BABAM2: variants seen among roughly 807,000 people sequenced by gnomAD.
The protein encoded by BABAM2 is BRISC and BRCA1 A complex member 2.
BABAM2 carries 31 observed loss-of-function variants against 54.7 expected under a neutral mutation model. The ratio of observed to expected loss-of-function variants is 0.57; its 90% CI spans 0.43 to 0.77. The LOEUF is 0.77. Among genes scored for constraint, BABAM2 ranks in the 30% least tolerant of loss-of-function variants. The pLI, the probability that BABAM2 is intolerant of heterozygous loss-of-function variation, is 0.00. For synonymous variants in BABAM2, 167 were observed against 162.9 expected (o/e 1.03, Z -0.19); for missense variants, 364 against 455.8 (o/e 0.80, Z 1.83).
intron 6 of BABAM2, among the ~76,000 whole-genome samples, chr2:28,111,733 C>G (rs575845833): frequency 6.6e-6 from 1 of 152,242 alleles, no homozygotes; most frequent in Admixed American, 6.5e-5. Flanking sequence ...TCTTAAACTT[C>G]AGTGCACATA....
chr2:28,097,056 CA>C (rs2148702313), intron 6 of BABAM2, among the ~76,000 whole-genome samples: 1 of 152,202 alleles, frequency 6.6e-6, no homozygotes, highest in Non-Finnish European at 1.5e-5. Context: ...GTAGGATGGT[CA>C]ACCTAGGAAG....
At chr2:28,112,229 T>TCCTTCCTTCCTTCCTTCCTG (rs1573604672) in intron 6 of BABAM2, among the ~76,000 whole-genome samples, 1 of 128,162 alleles carries the variant, frequency 7.8e-6, no homozygotes, top group Non-Finnish European at 1.6e-5. Flanking sequence ...CTTCCTTCCT[T>TCCTTCCTTCCTTCCTTCCTG]TAAGTTCTGG....
chr2:28,277,803 C>T lies in BABAM2; in HGVS notation c.935-20535C>T, dbSNP rs377642407. ...CATTTGAGTATCTACTATGGACCAA[C>T]GTCTAGGTTAAGCCATGTGGTCACA... On this transcript the variant is annotated intron_variant, in intron 10 of 11. Transcript: ENST00000379624. Among the ~76,000 whole-genome samples, 5 of 152,176 alleles carry T rather than the reference C, an allele frequency of 3.3e-5. No individual in the cohort carries two copies. The South Asian group carries it at 8.3e-4, about 25-fold the overall frequency.
intron 4 of BABAM2, among the ~76,000 whole-genome samples, chr2:27,994,484 C>A (rs1672995188): frequency 6.6e-6 from 1 of 152,208 alleles, no homozygotes; most frequent in Non-Finnish European, 1.5e-5. Context: ...ACTATGACCA[C>A]CTTGCCTCAG....
intron 3 of BABAM2, among the ~76,000 whole-genome samples, chr2:27,978,037 A>T (rs1480534040): frequency 3.9e-5 from 6 of 152,112 alleles, no homozygotes; most frequent in Non-Finnish European, 8.8e-5. Context: ...TTTTTCGTAA[A>T]GCTCTGAAAT....
chr2:28,187,662 A>ATTTTTTTTTTTTTTT (rs35839748), intron 7 of BABAM2, among the ~76,000 whole-genome samples: 1 of 99,164 alleles, frequency 1.0e-5, no homozygotes. Flanking sequence ...GAACTTTGGA[A>ATTTTTTTTTTTTTTT]TTTTTTTTTT....
chr2:28,160,505 A>G (rs1479560889), intron 7 of BABAM2, among the ~76,000 whole-genome samples: 1 of 152,234 alleles, frequency 6.6e-6, no homozygotes, highest in East Asian at 1.9e-4. Context: ...GCACGTATGC[A>G]CAGTCACCAC....
rs372216332 is a variant in BABAM2, at chr2:27,937,779, T to A, written c.205+7871T>A. Among the ~76,000 whole-genome samples the A allele has an allele frequency of 5.3e-5, 8 of 152,330 alleles. 1 individual carries two copies. Among genetic ancestry groups the A allele is most frequent in the African/African-American group, 1.9e-4 (8 of 41,590 alleles). ...TAGGTTGTCTCTGCAGTCTGTTGAT[T>A]GTTTCCTTTGATGTGCAGAAGCTTC... On this transcript the variant is annotated intron_variant, in intron 3 of 11. Coordinates refer to ENST00000379624, the MANE Select transcript of BABAM2 (RefSeq NM_199191.3).
At chr2:28,316,444 G>T (rs1460818031) in intron 11 of BABAM2, among the ~76,000 whole-genome samples, 1 of 137,532 alleles carries the variant, frequency 7.3e-6, no homozygotes, top group East Asian at 2.2e-4. Flanking sequence ...GGGGGTGGGA[G>T]TCGGGGGTGA....
chr2:28,260,824 C>T (rs1015050390), intron 10 of BABAM2, among the ~76,000 whole-genome samples: 14 of 152,132 alleles, frequency 9.2e-5, no homozygotes, highest in South Asian at 2.1e-4. Flanking sequence ...TTTCATTTCC[C>T]ATAGCAATGT....
intron 7 of BABAM2, among the ~76,000 whole-genome samples, chr2:28,217,916 A>G (rs566279024): frequency 6.6e-6 from 1 of 152,372 alleles, no homozygotes; most frequent in South Asian, 2.1e-4. Flanking sequence ...TCTGTATCAT[A>G]TAACAGTGGA....
At chr2:28,018,293 A>C (rs764509166) in intron 4 of BABAM2, among the ~76,000 whole-genome samples, 6 of 152,198 alleles carry the variant, frequency 3.9e-5, no homozygotes, top group Non-Finnish European at 8.8e-5. Context: ...CTTCACTTAG[A>C]ATAATAGTCT....
At chr2:28,124,715 TC>T (rs1176204888) in intron 6 of BABAM2, among the ~76,000 whole-genome samples, 2 of 152,152 alleles carry the variant, frequency 1.3e-5, no homozygotes, top group South Asian at 2.1e-4. Context: ...TACCCACTTA[TC>T]CCCCTCCTCA....
intron 6 of BABAM2, among the ~76,000 whole-genome samples, chr2:28,103,157 AT>A (rs1489886857): frequency 3.8e-4 from 58 of 151,770 alleles, no homozygotes; most frequent in African/African-American, 1.4e-3. Context: ...AAAAAAAAAA[AT>A]TTACTCAGTA....
At chr2:28,223,863 T>C (rs559261419) in intron 7 of BABAM2, among the ~76,000 whole-genome samples, 1 of 152,252 alleles carries the variant, frequency 6.6e-6, no homozygotes, top group East Asian at 1.9e-4. Context: ...AAATAACACA[T>C]TTCTCCACCC....
rs555970601 is a variant in BABAM2 at position 28,095,240 on chromosome 2, A to C, written c.571-34031A>C. Among the ~76,000 whole-genome samples the C allele has an allele frequency of 4.6e-5, 7 of 152,276 alleles. No homozygotes were observed. In the South Asian group the frequency reaches 1.2e-3, roughly 27 times the overall value. On this transcript the variant is annotated intron_variant, in intron 6 of 11. Coordinates refer to ENST00000379624, the MANE Select transcript of BABAM2 (RefSeq NM_199191.3). ...ACTGGGAGTGGCAAAGCCAGGACAT[A>C]TATCCAGGAGGCATTTCTAGACCAA...
chr2:28,307,953 G>T (rs969959219), intron 11 of BABAM2: 4 of 153,554 alleles, frequency 2.6e-5, no homozygotes, highest in African/African-American at 7.2e-5. Flanking sequence ...GCCTCTGTCT[G>T]CCCTGTGGAC....
chr2:28,257,166 T>G (rs1261956681), intron 10 of BABAM2, among the ~76,000 whole-genome samples: 3 of 152,214 alleles, frequency 2.0e-5, no homozygotes, highest in Admixed American at 2.0e-4. Flanking sequence ...GATTCAGCTT[T>G]CATGAGTTCA....
intron 2 of BABAM2, among the ~76,000 whole-genome samples, chr2:27,914,407 G>A (rs1666818017): frequency 6.6e-6 from 1 of 152,182 alleles, no homozygotes; most frequent in South Asian, 2.1e-4. Context: ...AGGCTAACAT[G>A]TAGCCTTTGC....
Sources: allele counts gnomAD v4.1 joint callset (sites outside exome capture counted in the v4.1 genomes callset), GRCh38; gene constraint gnomAD v4.1.1; transcripts MANE v1.5; gene names NCBI Gene and HGNC (gene_info 2026-07-23, HGNC 2026-07-21).